The following FTO variants were observed in gnomAD, a reference collection of about 807,000 sequenced individuals.
FTO encodes FTO alpha-ketoglutarate dependent dioxygenase.
A neutral mutation model predicts 63.9 loss-of-function variants in FTO; 47 were observed. The ratio of observed to expected loss-of-function variants is 0.74; its 90% CI spans 0.58 to 0.94. The LOEUF (loss-of-function observed/expected upper bound fraction) is 0.94. Among genes scored for constraint, FTO ranks in the 40% least tolerant of loss-of-function variants. The probability of loss-of-function intolerance (pLI) is 0.00; values close to 1 mark genes in which losing one functional copy is unlikely to be tolerated. For missense variants in FTO, 562 were observed against 618.1 expected (o/e 0.91, Z 0.96); for synonymous variants, 207 against 224.4 (o/e 0.92, Z 0.69).
At chr16:53,819,503 C>T (rs9935366) in intron 2 of FTO, among the ~76,000 whole-genome samples, 54,724 of 151,920 alleles carry the variant, frequency 0.36, 10,052 homozygotes, top group East Asian at 0.41. Flanking sequence ...AGAGGCTTCT[C>T]TATTAATTTG....
chr16:53,881,229 G>A (rs1414280745), intron 6 of FTO, among the ~76,000 whole-genome samples: 1 of 152,098 alleles, frequency 6.6e-6, no homozygotes, highest in African/African-American at 2.4e-5. Context: ...TTTCTATAGG[G>A]CAATGCAAAG....
At chr16:53,809,949 A>T (rs2078477193) in intron 1 of FTO, among the ~76,000 whole-genome samples, 191 bp from the exon 2 acceptor site, 1 of 152,114 alleles carries the variant, frequency 6.6e-6, no homozygotes, top group Non-Finnish European at 1.5e-5. Flanking sequence ...TCTAAAAGAA[A>T]AGAAAAAAAA....
chr16:54,053,170 C>T (rs2085350489), intron 8 of FTO, among the ~76,000 whole-genome samples: 1 of 152,198 alleles, frequency 6.6e-6, no homozygotes, highest in Non-Finnish European at 1.5e-5. Context: ...TTCCTCTCTG[C>T]AGAGATGAAA....
At chr16:53,759,710 A>AG (rs1327507949) in intron 1 of FTO, among the ~76,000 whole-genome samples, 3 of 128,808 alleles carry the variant, frequency 2.3e-5, no homozygotes, top group South Asian at 2.4e-4. Flanking sequence ...AAAAAAAAAA[A>AG]AAAAAAGAAA....
chr16:53,827,325 C>G (rs1318097408), intron 3 of FTO, among the ~76,000 whole-genome samples: 1 of 152,088 alleles, frequency 6.6e-6, no homozygotes, highest in Non-Finnish European at 1.5e-5. Flanking sequence ...AGAGCATGAC[C>G]TCTGTTGACT....
At chr16:54,065,260 C>A (rs1199892167) in intron 8 of FTO, among the ~76,000 whole-genome samples, 1 of 151,836 alleles carries the variant, frequency 6.6e-6, no homozygotes, top group African/African-American at 2.4e-5. Flanking sequence ...TAGGCTTGAG[C>A]CTTCTTCTGC....
chr16:54,014,455 C>T (rs1002647617), intron 8 of FTO, among the ~76,000 whole-genome samples: 2 of 152,000 alleles, frequency 1.3e-5, no homozygotes, highest in African/African-American at 4.8e-5. Context: ...TCTTTGCCTT[C>T]CACCATGAGT....
intron 1 of FTO, among the ~76,000 whole-genome samples, chr16:53,733,056 TA>T (rs1371148611): frequency 6.6e-6 from 1 of 152,194 alleles, no homozygotes; most frequent in Non-Finnish European, 1.5e-5. Context: ...AAATTTAACC[TA>T]TATTTGTTTA....
At chr16:53,708,117 G>A (rs976950523) in intron 1 of FTO, among the ~76,000 whole-genome samples, 1 of 152,092 alleles carries the variant, frequency 6.6e-6, no homozygotes, top group African/African-American at 2.4e-5. Context: ...CCAGCACTTT[G>A]GGAGGCCAAG....
chr16:54,080,988 C>G (rs1202647418), intron 8 of FTO, among the ~76,000 whole-genome samples: 1 of 152,168 alleles, frequency 6.6e-6, no homozygotes. Flanking sequence ...CGAAGCAAAA[C>G]CCCGTGTCCC....
At chr16:53,987,342 A>C (rs566192612) in intron 8 of FTO, among the ~76,000 whole-genome samples, 183 of 152,248 alleles carry the variant, frequency 1.2e-3, no homozygotes, top group Admixed American at 2.6e-3. Flanking sequence ...GCACTTTGGG[A>C]GGCCGAGACA....
intron 7 of FTO, among the ~76,000 whole-genome samples, chr16:53,928,126 T>C (rs2082192422): frequency 1.3e-5 from 2 of 152,192 alleles, no homozygotes; most frequent in Admixed American, 1.3e-4. Context: ...CAGCGGGGAT[T>C]TGAGCAGCCA....
intron 2 of FTO, among the ~76,000 whole-genome samples, chr16:53,816,019 T>A (rs1324819999): frequency 6.6e-6 from 1 of 152,046 alleles, no homozygotes; most frequent in African/African-American, 2.4e-5. Context: ...TGGCGCCCAA[T>A]CATAAACTCT....
intron 1 of FTO, among the ~76,000 whole-genome samples, chr16:53,774,187 A>G (rs746205807): frequency 9.2e-5 from 14 of 152,132 alleles, no homozygotes; most frequent in Non-Finnish European, 1.8e-4. Context: ...CTTACCCTCT[A>G]TGACCTTAGG....
intron 1 of FTO, among the ~76,000 whole-genome samples, chr16:53,764,829 T>C (rs897341562): frequency 6.6e-6 from 1 of 152,096 alleles, no homozygotes; most frequent in Non-Finnish European, 1.5e-5. Context: ...AAGCAATTCT[T>C]GTGCCTCAGC....
chr16:54,028,838 T>G (rs2084772057), intron 8 of FTO, among the ~76,000 whole-genome samples: 1 of 152,116 alleles, frequency 6.6e-6, no homozygotes, highest in Admixed American at 6.6e-5. Context: ...CTTTACCAAT[T>G]TTTCTTCCTC....
intron 1 of FTO, among the ~76,000 whole-genome samples, chr16:53,803,830 A>G (rs921363028): frequency 1.3e-5 from 2 of 152,218 alleles, no homozygotes; most frequent in Non-Finnish European, 2.9e-5. Flanking sequence ...GACACATTTT[A>G]TATATGTAAA....
intron 1 of FTO, among the ~76,000 whole-genome samples, chr16:53,785,235 A>G (rs936280095): frequency 6.6e-6 from 1 of 152,152 alleles, no homozygotes; most frequent in African/African-American, 2.4e-5. Context: ...GCCAGTGCAT[A>G]TGAAGAGGGA....
chr16:53,714,338 C>T (rs887035433), intron 1 of FTO, among the ~76,000 whole-genome samples: 14 of 152,148 alleles, frequency 9.2e-5, no homozygotes, highest in Admixed American at 6.5e-4. Flanking sequence ...ATAAAATGGG[C>T]TGATGTTGCA....
Sources: gnomAD v4.1 joint callset for allele counts (sites outside exome capture counted in the v4.1 genomes callset) on GRCh38, gnomAD v4.1.1 for gene constraint, MANE v1.5 for transcripts, NCBI Gene and HGNC (gene_info 2026-07-23, HGNC 2026-07-21) for gene names.